GPM6A: variants seen among roughly 807,000 people sequenced by gnomAD.
GPM6A encodes the protein glycoprotein M6A, also known as neuronal membrane glycoprotein M6-a.
A neutral mutation model predicts 32.1 loss-of-function variants in GPM6A; 7 were observed. The ratio of observed to expected loss-of-function variants is 0.22; its 90% confidence interval spans 0.12 to 0.41. The LOEUF (loss-of-function observed/expected upper bound fraction) is 0.41. GPM6A is among the 10% of genes least tolerant of loss of function. GPM6A has a pLI of 1.00. For synonymous variants in GPM6A, 130 were observed against 123.4 expected (o/e 1.05, Z -0.35); for missense variants, 235 against 347.2 (o/e 0.68, Z 2.57).
chr4:175,757,768 A>G (rs1202480829), intron 1 of GPM6A, among the ~76,000 whole-genome samples: 1 of 152,158 alleles, frequency 6.6e-6, no homozygotes, highest in Non-Finnish European at 1.5e-5. Context: ...TTACCACGAG[A>G]CCAAAGAGAG....
chr4:175,977,271 A>C (rs2126435525), intron 1 of GPM6A, among the ~76,000 whole-genome samples: 1 of 152,332 alleles, frequency 6.6e-6, no homozygotes, highest in African/African-American at 2.4e-5. Context: ...CAGTGTTCAC[A>C]CCTTTAGTAT....
intron 1 of GPM6A, among the ~76,000 whole-genome samples, chr4:175,987,104 T>C (rs1231964480): frequency 6.6e-6 from 1 of 152,242 alleles, no homozygotes; most frequent in Non-Finnish European, 1.5e-5. Context: ...ACATCTGTTA[T>C]GCCATATAAT....
At chr4:175,818,358 A>G (rs1735173164) in intron 1 of GPM6A, among the ~76,000 whole-genome samples, 1 of 152,218 alleles carries the variant, frequency 6.6e-6, no homozygotes, top group Non-Finnish European at 1.5e-5. Flanking sequence ...CTTTTTCAAG[A>G]GCATAGGCCT....
chr4:175,969,657 G>A (rs1740439849), intron 1 of GPM6A, among the ~76,000 whole-genome samples: 1 of 152,260 alleles, frequency 6.6e-6, no homozygotes, highest in East Asian at 1.9e-4. Context: ...GTTGTAGTGA[G>A]CAGAGATCAT....
intron 1 of GPM6A, among the ~76,000 whole-genome samples, chr4:175,707,612 A>G (rs1268143573): frequency 6.6e-6 from 1 of 151,728 alleles, no homozygotes; most frequent in Non-Finnish European, 1.5e-5. Context: ...TAATCATACC[A>G]CCTGTGAAAA....
intron 1 of GPM6A, among the ~76,000 whole-genome samples, chr4:175,965,907 T>C (rs1355568540): frequency 6.6e-6 from 1 of 152,020 alleles, no homozygotes; most frequent in African/African-American, 2.4e-5. Context: ...CCACCACGCC[T>C]GGCCAAGAGG....
intron 1 of GPM6A, among the ~76,000 whole-genome samples, chr4:175,774,995 G>C (rs890249982): frequency 6.6e-6 from 1 of 152,034 alleles, no homozygotes; most frequent in African/African-American, 2.4e-5. Context: ...TAGTCAATAT[G>C]GATGTACAAT....
intron 1 of GPM6A, among the ~76,000 whole-genome samples, chr4:175,768,254 T>A (rs1378925836): frequency 6.6e-6 from 1 of 152,172 alleles, no homozygotes; most frequent in Non-Finnish European, 1.5e-5. Context: ...TTCCAAGGGA[T>A]TTTTTTAAAA....
At position 175,634,887 on chromosome 4, in the gene GPM6A, A is replaced by G. The variant is rs1276669963; in HGVS notation, c.*18T>C. 14 of 1,607,392 alleles carry G rather than the reference A, an allele frequency of 8.7e-6. No individual in the cohort carries two copies. The highest frequency in any genetic ancestry group is 1.3e-5 in the African/African-American group (1 of 74,684). ...AACACCAATGCATTCAAATGGTAGA[A>G]AGAACAGGAAGATGCATTTATGTGT... is the stretch of plus-strand genomic sequence containing the variant. On this transcript the variant is annotated 3_prime_UTR_variant, in exon 7 of 7. Coordinates refer to ENST00000393658, the MANE Select transcript of GPM6A (RefSeq NM_201591.3).
chr4:175,674,735 G>A (rs1743269119), intron 2 of GPM6A, among the ~76,000 whole-genome samples: 1 of 152,060 alleles, frequency 6.6e-6, no homozygotes, highest in African/African-American at 2.4e-5. Flanking sequence ...TGCGAATAAT[G>A]AAAAGATATG....
At chr4:175,732,211 C>T (rs1254496939) in intron 1 of GPM6A, among the ~76,000 whole-genome samples, 1 of 152,036 alleles carries the variant, frequency 6.6e-6, no homozygotes, top group Non-Finnish European at 1.5e-5. Flanking sequence ...GTGATCCGCC[C>T]GCCTCGGCCT....
intron 1 of GPM6A, among the ~76,000 whole-genome samples, chr4:175,865,232 T>A (rs1736695463): frequency 6.6e-6 from 1 of 152,224 alleles, no homozygotes; most frequent in Admixed American, 6.5e-5. Context: ...AAAACACTGT[T>A]GAAAATCAAC....
intron 1 of GPM6A, among the ~76,000 whole-genome samples, chr4:175,826,890 C>T (rs991192292): frequency 8.5e-5 from 13 of 152,126 alleles, no homozygotes; most frequent in Admixed American, 2.6e-4. Flanking sequence ...TTACTCCACT[C>T]TGTGTGAAGA....
intron 1 of GPM6A, among the ~76,000 whole-genome samples, chr4:175,976,882 G>T (rs554385532): frequency 2.6e-5 from 4 of 152,206 alleles, no homozygotes; most frequent in African/African-American, 9.6e-5. Context: ...AAGCATAAAA[G>T]GACAGAATTG....
chr4:175,703,361 G>A (rs1327602055), intron 1 of GPM6A, among the ~76,000 whole-genome samples: 1 of 152,066 alleles, frequency 6.6e-6, no homozygotes, highest in Non-Finnish European at 1.5e-5. Flanking sequence ...TAGTAGAGAC[G>A]GGGTTTTGCC....
At chr4:175,978,766 T>C (rs1180320999) in intron 1 of GPM6A, among the ~76,000 whole-genome samples, 2 of 152,186 alleles carry the variant, frequency 1.3e-5, no homozygotes, top group Non-Finnish European at 2.9e-5. Context: ...CTGAATCAAC[T>C]GAAACTCTAT....
At chr4:175,851,573 T>C (rs1477560202) in intron 1 of GPM6A, among the ~76,000 whole-genome samples, 4 of 151,880 alleles carry the variant, frequency 2.6e-5, no homozygotes, top group Admixed American at 6.6e-5. Context: ...TCAGGTTACA[T>C]TGAAGAGGGA....
chr4:175,998,278 C>T (rs886518132), intron 1 of GPM6A, among the ~76,000 whole-genome samples: 1 of 152,016 alleles, frequency 6.6e-6, no homozygotes, highest in Non-Finnish European at 1.5e-5. Context: ...TTCAGCTTCC[C>T]GAGTAGCTGG....
intron 1 of GPM6A, among the ~76,000 whole-genome samples, chr4:175,722,185 G>C (rs1472327): frequency 0.48 from 73,084 of 151,650 alleles, 18,560 homozygotes; most frequent in Middle Eastern, 0.57. Context: ...TACTTAGGAA[G>C]TTGAGGCAGG....
Sources: gnomAD v4.1 joint callset for allele counts (sites outside exome capture counted in the v4.1 genomes callset) on GRCh38, gnomAD v4.1.1 for gene constraint, MANE v1.5 for transcripts, NCBI Gene and HGNC (gene_info 2026-07-23, HGNC 2026-07-21) for gene names.